Variants in XPR1 observed in about 807,000 individuals in gnomAD.
The protein encoded by XPR1 is xenotropic and polytropic retrovirus receptor 1.
A neutral mutation model predicts 87.5 loss-of-function variants in XPR1; 28 were observed. That is an observed-to-expected ratio of 0.32 (90% CI 0.24 to 0.44). XPR1 has a LOEUF of 0.44. Among genes scored for constraint, XPR1 ranks in the 20% least tolerant of loss-of-function variants. The pLI, the probability that XPR1 is intolerant of heterozygous loss-of-function variation, is 1.00. For missense variants in XPR1, 559 were observed against 862.3 expected, an observed-to-expected ratio of 0.65 and a Z score of 4.41; for synonymous variants, 300 against 306.1, an observed-to-expected ratio of 0.98 and a Z score of 0.21.
At chr1:180,862,374 T>G (rs1245919029) in intron 11 of XPR1, among the ~76,000 whole-genome samples, 1 of 152,114 alleles carries the variant, frequency 6.6e-6, no homozygotes, top group Non-Finnish European at 1.5e-5. Flanking sequence ...AACTTGTAGC[T>G]TCTCAAACAC....
intron 2 of XPR1, among the ~76,000 whole-genome samples, chr1:180,708,979 T>A (rs553595971): frequency 6.7e-6 from 1 of 149,798 alleles, no homozygotes; most frequent in Non-Finnish European, 1.5e-5. Flanking sequence ...TGGCACGATC[T>A]TGGCTCACTG....
At chr1:180,762,929 T>C (rs754562960) in intron 2 of XPR1, among the ~76,000 whole-genome samples, 1 of 152,206 alleles carries the variant, frequency 6.6e-6, no homozygotes, top group Non-Finnish European at 1.5e-5. Flanking sequence ...TCTATTCTTA[T>C]GCAACAAAAA....
At chr1:180,727,245 A>G (rs1658386702) in intron 2 of XPR1, among the ~76,000 whole-genome samples, 1 of 152,164 alleles carries the variant, frequency 6.6e-6, no homozygotes, top group Non-Finnish European at 1.5e-5. Context: ...TGAAGCGGTT[A>G]TATTGTAACT....
At chr1:180,720,117 G>A (rs997252732) in intron 2 of XPR1, among the ~76,000 whole-genome samples, 1 of 152,034 alleles carries the variant, frequency 6.6e-6, no homozygotes, top group Non-Finnish European at 1.5e-5. Context: ...GAGCAGGGCC[G>A]GGGGCGTGGG....
At chr1:180,668,702 T>C (rs891850418) in intron 1 of XPR1, among the ~76,000 whole-genome samples, 3 of 152,238 alleles carry the variant, frequency 2.0e-5, no homozygotes, top group Admixed American at 6.5e-5. Context: ...TTCCATAATT[T>C]TGTGAATTTT....
chr1:180,661,131 G>T (rs1655758322), intron 1 of XPR1, among the ~76,000 whole-genome samples: 1 of 151,362 alleles, frequency 6.6e-6, no homozygotes. Context: ...TTTTTGTTTT[G>T]GAATCTTTGG....
At chr1:180,647,028 C>A (rs142577859) in intron 1 of XPR1, among the ~76,000 whole-genome samples, 157 of 152,362 alleles carry the variant, frequency 1.0e-3, no homozygotes, top group African/African-American at 3.4e-3. Context: ...TCTGTAATTG[C>A]AGCTGCTTCA....
chr1:180,757,141 T>C (rs1471025020), intron 2 of XPR1, among the ~76,000 whole-genome samples: 1 of 152,260 alleles, frequency 6.6e-6, no homozygotes, highest in Admixed American at 6.5e-5. Context: ...TTTGGGTTCC[T>C]TGCATTTCCA....
At chr1:180,688,177 T>A (rs908147138) in intron 2 of XPR1, among the ~76,000 whole-genome samples, 1 of 151,012 alleles carries the variant, frequency 6.6e-6, no homozygotes, top group African/African-American at 2.4e-5. Flanking sequence ...CTCAGCCTCC[T>A]GTGTGGCTGG....
At chr1:180,746,516 C>G (rs1647261061) in intron 2 of XPR1, among the ~76,000 whole-genome samples, 2 of 152,012 alleles carry the variant, frequency 1.3e-5, no homozygotes, top group Admixed American at 6.6e-5. Flanking sequence ...TTATCCACTC[C>G]AGTTGATGGG....
intron 2 of XPR1, among the ~76,000 whole-genome samples, chr1:180,706,178 T>G (rs1657551059): frequency 6.6e-6 from 1 of 152,226 alleles, no homozygotes; most frequent in South Asian, 2.1e-4. Flanking sequence ...ACTAGTGTAT[T>G]CTAAGATTTG....
At chr1:180,677,428 A>G (rs1656404783) in intron 1 of XPR1, among the ~76,000 whole-genome samples, 1 of 152,118 alleles carries the variant, frequency 6.6e-6, no homozygotes, top group South Asian at 2.1e-4. Flanking sequence ...TGGGTTGGAG[A>G]TAAAATCATA....
chr1:180,659,761 C>T (rs1655700434), intron 1 of XPR1, among the ~76,000 whole-genome samples: 1 of 152,086 alleles, frequency 6.6e-6, no homozygotes, highest in South Asian at 2.1e-4. Context: ...TCGTGATCCA[C>T]CTGCCTCAGC....
intron 7 of XPR1, among the ~76,000 whole-genome samples, chr1:180,822,516 G>T (rs1650674666): frequency 6.6e-6 from 1 of 152,132 alleles, no homozygotes; most frequent in South Asian, 2.1e-4. Context: ...GAAATTTCCT[G>T]AAGATAGGTA....
chr1:180,632,146 T>C lies in XPR1; in HGVS notation c.-56T>C. 6.4e-7 allele frequency: 1 copy of C among 1,567,960 alleles called. No homozygotes were observed. The highest frequency in any genetic ancestry group is 1.2e-5 in the South Asian group (1 of 85,720). ...TGTGGGGAGGAGTCGGAGTCGCTGTTGCCGCCGCCGCCTGTAGCTGCTGGA... is the reference window on the plus strand; with the variant it reads ...TGTGGGGAGGAGTCGGAGTCGCTGTCGCCGCCGCCGCCTGTAGCTGCTGGA... On this transcript the variant is annotated 5_prime_UTR_variant, in exon 1 of 15. Coordinates refer to ENST00000367590, the MANE Select transcript of XPR1 (RefSeq NM_004736.4).
intron 2 of XPR1, among the ~76,000 whole-genome samples, chr1:180,732,965 C>T (rs553839341): frequency 3.3e-5 from 5 of 152,262 alleles, no homozygotes; most frequent in South Asian, 4.1e-4. Flanking sequence ...GGCCGCTCAA[C>T]GGCCTGTGAT....
intron 11 of XPR1, among the ~76,000 whole-genome samples, chr1:180,841,130 T>A (rs1651498834): frequency 6.6e-6 from 1 of 152,076 alleles, no homozygotes; most frequent in South Asian, 2.1e-4. Flanking sequence ...TTTAAAGGCA[T>A]AAAAATAGAG....
At position 180,687,495 on chromosome 1, in the gene XPR1, C is replaced by G. The variant is rs1656824638; in HGVS notation, c.121+5084C>G. The stretch of plus-strand genomic sequence containing the variant: ...ACTTTCATGTAAACATACTATAAAA[C>G]TAGTTTTATAGTGAATTAGTAGCTT... On this transcript the variant is annotated intron_variant, in intron 2 of 14. Transcript: ENST00000367590. 2.6e-5 allele frequency among the ~76,000 whole-genome samples: 4 copies of G among 152,180 alleles called. No individual in the cohort carries two copies. The South Asian group carries it at 8.3e-4, about 32-fold the overall frequency.
intron 2 of XPR1, among the ~76,000 whole-genome samples, chr1:180,787,059 T>C (rs1649175224): frequency 1.3e-5 from 2 of 152,144 alleles, no homozygotes. Flanking sequence ...TGCTTTGCAT[T>C]TTTTCCTTCC....
Sources: allele counts gnomAD v4.1 joint callset (sites outside exome capture counted in the v4.1 genomes callset), GRCh38; gene constraint gnomAD v4.1.1; transcripts MANE v1.5; gene names NCBI Gene and HGNC (gene_info 2026-07-23, HGNC 2026-07-21).